Variants in TRPM7 observed in about 807,000 individuals in gnomAD.
TRPM7 encodes the protein transient receptor potential cation channel subfamily M member 7.
TRPM7 carries 134 observed loss-of-function variants against 229.7 expected under a neutral mutation model. The ratio of observed to expected loss-of-function variants is 0.58; its 90% confidence interval spans 0.51 to 0.67. The LOEUF is 0.67. Among genes scored for constraint, TRPM7 ranks in the 30% least tolerant of loss-of-function variants. The pLI is 0.00. For missense variants in TRPM7, 1,901 were observed against 2,210.0 expected (o/e 0.86, Z 2.80); for synonymous variants, 699 against 715.2 (o/e 0.98, Z 0.36).
chr15:50,627,460 G>A (rs1450766638), intron 11 of TRPM7, among the ~76,000 whole-genome samples: 1 of 152,064 alleles, frequency 6.6e-6, no homozygotes, highest in African/African-American at 2.4e-5. Flanking sequence ...CCTAGAGATA[G>A]GAGCATGCTT....
chr15:50,578,096 T>C (rs2054223855), intron 31 of TRPM7, among the ~76,000 whole-genome samples: 1 of 152,114 alleles, frequency 6.6e-6, no homozygotes, highest in African/African-American at 2.4e-5. Flanking sequence ...AACAAAGGAA[T>C]GGAGATATAG....
intron 10 of TRPM7, among the ~76,000 whole-genome samples, chr15:50,630,339 A>C (rs1443863804): frequency 6.6e-6 from 1 of 152,156 alleles, no homozygotes; most frequent in African/African-American, 2.4e-5. Flanking sequence ...TATGCAAGAA[A>C]ATTCTTGTAA....
At position 50,604,716 on chromosome 15, in the gene TRPM7, T is replaced by C. The variant is rs187362982; in HGVS notation, c.2988+150A>G. 9.8e-4 allele frequency: 724 copies of C among 741,908 alleles called. 1 individual carries two copies. The highest frequency in any genetic ancestry group is 1.4e-3 in the Non-Finnish European group (663 of 462,918). The allele number at this position is 741,908 out of a possible 1,614,324, so 46.0% of individuals were successfully genotyped here. A position where few individuals can be genotyped will look rare whatever the true frequency, so the allele number is the denominator to read the frequency against. ...GGGATTGGGATTGAGCATGAGAAAC[T>C]CTTAAGGAATGGCAGATGTGAAGTA... On this transcript the variant is annotated intron_variant, in intron 21 of 38. Coordinates refer to ENST00000646667, the MANE Select transcript of TRPM7 (RefSeq NM_017672.6).
At position 50,567,408 on chromosome 15, in the gene TRPM7, A is replaced by T. The variant is rs142103725; in HGVS notation, c.5467+2479T>A. Among the ~76,000 whole-genome samples, 671 of 152,256 alleles carry T rather than the reference A, an allele frequency of 4.4e-3. 7 individuals carry two copies. Among genetic ancestry groups the T allele is most frequent in the African/African-American group, 0.015 (629 of 41,554 alleles). On this transcript the variant is annotated intron_variant, in intron 38 of 38. Coordinates refer to ENST00000646667, the MANE Select transcript of TRPM7 (RefSeq NM_017672.6). Reference sequence around the variant, plus strand: ...TGGTTTGACTGGAAAATCCTATCAAACATTCATGGTAGGGACAATATCAAT... The same window carrying T: ...TGGTTTGACTGGAAAATCCTATCAATCATTCATGGTAGGGACAATATCAAT...
chr15:50,666,829 G>A (rs1457060328), intron 1 of TRPM7, among the ~76,000 whole-genome samples: 1 of 152,044 alleles, frequency 6.6e-6, no homozygotes, highest in Non-Finnish European at 1.5e-5. Context: ...CGGTGGAGGT[G>A]GCAGCACAAG....
rs1337471257 is a variant in TRPM7 at position 50,686,542 on chromosome 15, C to G, written c.-9G>C. ...CGTGGGTCCAGTACCATTCTCCTCA[C>G]GGGGCGGACTCCGGAAGGGCAGCAA... On this transcript the variant is annotated 5_prime_UTR_variant, in exon 1 of 39. Transcript: ENST00000646667. 1 of 1,611,068 alleles carries G rather than the reference C, an allele frequency of 6.2e-7. No homozygotes were observed. Among genetic ancestry groups the G allele is most frequent in the Non-Finnish European group, 8.5e-7 (1 of 1,178,346 alleles).
At chr15:50,637,868 T>A (rs564732298) in intron 6 of TRPM7, among the ~76,000 whole-genome samples, 23 of 152,326 alleles carry the variant, frequency 1.5e-4, no homozygotes, top group Non-Finnish European at 2.1e-4. Context: ...AATAAATAAC[T>A]AAATAGTGCA....
chr15:50,612,288 C>T (rs1188852554), intron 16 of TRPM7, among the ~76,000 whole-genome samples: 1 of 152,040 alleles, frequency 6.6e-6, no homozygotes, highest in Non-Finnish European at 1.5e-5. Flanking sequence ...ACGGGGTCTG[C>T]CTATGTTGCC....
intron 12 of TRPM7, among the ~76,000 whole-genome samples, chr15:50,620,075 C>T (rs538301446): frequency 6.6e-6 from 1 of 152,154 alleles, no homozygotes; most frequent in Non-Finnish European, 1.5e-5. Context: ...ACATTTCTTT[C>T]ATTGATAATG....
chr15:50,621,306 T>C (rs764236894), intron 12 of TRPM7, among the ~76,000 whole-genome samples: 12 of 152,140 alleles, frequency 7.9e-5, no homozygotes, highest in African/African-American at 2.7e-4. Context: ...TTTGGGGGTA[T>C]TGGGGAATTT....
At position 50,635,965 on chromosome 15, in the gene TRPM7, C is replaced by T. The variant is rs149214930; in HGVS notation, c.833-1409G>A. ...CTGCACAACAGCCAGGGCGACAGTG[C>T]GAGACTCCATCTCAAAAAAAGAAAA... On this transcript the variant is annotated intron_variant, in intron 7 of 38. Coordinates refer to ENST00000646667, the MANE Select transcript of TRPM7 (RefSeq NM_017672.6). 8.3e-4 allele frequency among the ~76,000 whole-genome samples: 125 copies of T among 150,290 alleles called. 1 individual carries two copies. The highest frequency in any genetic ancestry group is 3.0e-3 in the African/African-American group (121 of 40,876).
Position 50,604,858 on chromosome 15 carries a change from C to A in TRPM7, c.2988+8G>T. 1 of 1,553,222 alleles carries A rather than the reference C, an allele frequency of 6.4e-7. No individual in the cohort carries two copies. The highest frequency in any genetic ancestry group is 8.7e-7 in the Non-Finnish European group (1 of 1,150,382). On this transcript the variant is annotated splice_region_variant and intron_variant, in intron 21 of 38. Coordinates refer to ENST00000646667, the MANE Select transcript of TRPM7 (RefSeq NM_017672.6). ...CCCACGAGTATTATCAAACATCTGT[C>A]AACTTACCATTTTTCCAATCATCAT...
chr15:50,575,942 G>A (rs1447867932), intron 31 of TRPM7, 23 bp from the exon 32 acceptor site: 28 of 1,609,986 alleles, frequency 1.7e-5, no homozygotes, highest in South Asian at 4.4e-5. Context: ...ATAAACAAAC[G>A]AGACCATTTA....
intron 29 of TRPM7, chr15:50,582,381 CTTATT>C (rs2054464705): frequency 6.6e-6 from 1 of 152,000 alleles, no homozygotes; most frequent in Non-Finnish European, 1.5e-5. Flanking sequence ...TTTAAACATA[CTTATT>C]TTGTCATCTA....
intron 13 of TRPM7, among the ~76,000 whole-genome samples, chr15:50,617,136 AAATAAATAAAT>A (rs2060244790): frequency 1.1e-4 from 3 of 26,614 alleles, no homozygotes; most frequent in African/African-American, 6.0e-4. Context: ...CCAAAAAAAT[AAATAAATAAAT>A]AAATAAATAA....
chr15:50,683,727 A>C (rs536675360), intron 1 of TRPM7, among the ~76,000 whole-genome samples: 16 of 152,338 alleles, frequency 1.1e-4, no homozygotes, highest in African/African-American at 3.1e-4. Flanking sequence ...TCCAAAAAAA[A>C]CAAAATAAAA....
chr15:50,640,455 T>TTC (rs1391082934), intron 5 of TRPM7, among the ~76,000 whole-genome samples: 2 of 144,830 alleles, frequency 1.4e-5, no homozygotes, highest in African/African-American at 2.5e-5. Flanking sequence ...TTTTTTTTCT[T>TTC]TTTTTTTTTT....
intron 16 of TRPM7, among the ~76,000 whole-genome samples, chr15:50,612,222 C>G (rs1195484245): frequency 6.6e-6 from 1 of 152,164 alleles, no homozygotes; most frequent in Admixed American, 6.5e-5. Flanking sequence ...TCCTGAGTAG[C>G]TGGGACCACA....
At position 50,592,363 on chromosome 15, in the gene TRPM7, T is replaced by C; in HGVS notation, c.3872A>G (p.Lys1291Arg). The C allele has an allele frequency of 6.2e-7, 1 of 1,614,100 alleles. No homozygotes were observed. Residue 1291 changes from lysine (K) to arginine (R), a missense_variant, in exon 26 of 39, where the codon AAG becomes AGG. This residue lies in a region of TRPM7 where 533 missense variants were observed against 497.1 expected (regional missense o/e 1.07). Coordinates refer to ENST00000646667, the MANE Select transcript of TRPM7 (RefSeq NM_017672.6). ...DGPVRPSVWK[K>R]HGVVNTLSSS... ...GCTAAGTGTATTTACAACACCATGC[T>C]TTTTCCATACAGAAGGTCTTACAGG... is the stretch of plus-strand genomic sequence containing the variant.
Sources: gnomAD v4.1 joint callset for allele counts (sites outside exome capture counted in the v4.1 genomes callset) on GRCh38, gnomAD v4.1.1 for gene constraint, gnomAD v4.1.1 regional missense constraint, MANE v1.5 for transcripts, NCBI Gene and HGNC (gene_info 2026-07-23, HGNC 2026-07-21) for gene names.